The following MTFR1 variants were observed in gnomAD, a reference collection of about 807,000 sequenced individuals.
MTFR1 encodes mitochondrial fission regulator 1.
MTFR1 carries 28 observed loss-of-function variants against 38.8 expected under a neutral mutation model. The ratio of observed to expected loss-of-function variants is 0.72; its 90% confidence interval spans 0.53 to 0.99. The LOEUF (loss-of-function observed/expected upper bound fraction) is 0.99. Among genes scored for constraint, MTFR1 ranks in the 50% least tolerant of loss-of-function variants. The pLI, the probability that MTFR1 is intolerant of heterozygous loss-of-function variation, is 0.00. For synonymous variants in MTFR1, 145 were observed against 137.0 expected, an observed-to-expected ratio of 1.06 and a Z score of -0.41; for missense variants, 358 against 395.5, an observed-to-expected ratio of 0.91 and a Z score of 0.81.
chr8:65,771,870 G>A (rs1435262665), downstream of MTFR1, among the ~76,000 whole-genome samples: 7 of 121,670 alleles, frequency 5.8e-5, no homozygotes, highest in African/African-American at 1.7e-4. Flanking sequence ...TCGAGACTCC[G>A]AGACTCCATC....
At chr8:65,645,424 A>G (rs560197875) in intron 1 of MTFR1, among the ~76,000 whole-genome samples, 2 of 152,338 alleles carry the variant, frequency 1.3e-5, no homozygotes, top group African/African-American at 2.4e-5. Context: ...TATTATGGAA[A>G]TCTTCAAACT....
intron 3 of MTFR1, among the ~76,000 whole-genome samples, chr8:65,764,226 T>C (rs1420065847): frequency 6.6e-6 from 1 of 152,184 alleles, no homozygotes; most frequent in African/African-American, 2.4e-5. Context: ...GATATCGCCA[T>C]AAACTATTAA....
chr8:65,693,687 A>G lies in MTFR1; in HGVS notation c.209A>G (p.Glu70Gly). The change falls in exon 4 of 8, where the codon GAG becomes GGG. Residue 70 changes from glutamate to glycine, a missense_variant. Transcript: ENST00000262146. Reference sequence around the variant, plus strand: ...GAATGGAGTCCCAGCCACCCAGGAGAGGATGCAGTGGCGTCTTTTGCTGAT... The same window carrying G: ...GAATGGAGTCCCAGCCACCCAGGAGGGGATGCAGTGGCGTCTTTTGCTGAT... ...ATEWSPSHPG[E>G]DAVASFADVG... The G allele has an allele frequency of 6.2e-7, 1 of 1,614,192 alleles. No individual in the cohort carries two copies. Among genetic ancestry groups the G allele is most frequent in the Non-Finnish European group, 8.5e-7 (1 of 1,180,030 alleles).
intron 1 of MTFR1, among the ~76,000 whole-genome samples, chr8:65,654,779 T>G (rs1213400252): frequency 6.6e-6 from 1 of 152,164 alleles, no homozygotes; most frequent in Non-Finnish European, 1.5e-5. Flanking sequence ...GGTCTTGTTA[T>G]GTTGCCCAGG....
intron 3 of MTFR1, among the ~76,000 whole-genome samples, chr8:65,759,816 T>G (rs1001028352): frequency 6.6e-6 from 1 of 152,158 alleles, no homozygotes; most frequent in Non-Finnish European, 1.5e-5. Context: ...AGAGCTTAAC[T>G]GTCCAGAAAC....
intron 3 of MTFR1, among the ~76,000 whole-genome samples, chr8:65,746,414 C>A (rs1807680292): frequency 6.6e-6 from 1 of 152,070 alleles, no homozygotes; most frequent in Non-Finnish European, 1.5e-5. Flanking sequence ...TTTAAAAAAA[C>A]ACTTCTAACT....
chr8:65,671,480 A>T (rs1804566563), intron 2 of MTFR1, among the ~76,000 whole-genome samples: 2 of 151,622 alleles, frequency 1.3e-5, no homozygotes, highest in African/African-American at 2.4e-5. Context: ...GGTTGCAGTA[A>T]GCTGAGATTG....
In MTFR1 at chr8:65,655,969, C is replaced by CATATATATATATATATGTA; in HGVS notation, c.-81+11185_-81+11186insATATATATATATATATGTA. ...AAAAAAAAATATATATATATATATA[C>CATATATATATATATATGTA]CATATATATATATATGGTAGTGGGT... On this transcript the variant is annotated intron_variant, in intron 1 of 7. Transcript: ENST00000262146. Among the ~76,000 whole-genome samples the CATATATATATATATATGTA allele has an allele frequency of 7.1e-5, 4 of 56,472 alleles. No individual in the cohort carries two copies. The East Asian group carries it at 3.5e-3, about 49-fold the overall frequency. The allele number at this position is 56,472 out of a possible 152,430, so 37.0% of individuals were successfully genotyped here. A position where few individuals can be genotyped will look rare whatever the true frequency, so the allele number is the denominator to read the frequency against.
intron 4 of MTFR1, among the ~76,000 whole-genome samples, chr8:65,698,201 T>G (rs897021414): frequency 6.7e-6 from 1 of 149,790 alleles, no homozygotes; most frequent in Non-Finnish European, 1.5e-5. Context: ...CGGGCTGGAG[T>G]GCAGTGGCAT....
chr8:65,763,091 C>T (rs975426192), intron 3 of MTFR1, among the ~76,000 whole-genome samples: 3 of 147,722 alleles, frequency 2.0e-5, no homozygotes, highest in East Asian at 4.1e-4. Flanking sequence ...AATAAATTAG[C>T]CACTCGTAAT....
rs546828766 is a variant in MTFR1 at position 65,700,965 on chromosome 8, T to G, written c.282-3729T>G. 1.7e-3 allele frequency among the ~76,000 whole-genome samples: 259 copies of G among 152,328 alleles called. 1 individual carries two copies. The highest frequency in any genetic ancestry group is 2.5e-3 in the Non-Finnish European group (168 of 68,026). ...TCACCTGAGACAAATGCATATCTGA[T>G]TGCTTCCTCTGCCCTATGTTTATTT... On this transcript the variant is annotated intron_variant, in intron 4 of 7. Coordinates refer to ENST00000262146, the MANE Select transcript of MTFR1 (RefSeq NM_014637.4).
downstream of MTFR1, among the ~76,000 whole-genome samples, chr8:65,774,272 A>T (rs1190249608): frequency 6.6e-6 from 1 of 152,136 alleles, no homozygotes; most frequent in African/African-American, 2.4e-5. Context: ...CCTCATGCTA[A>T]TAAATATTTT....
downstream of MTFR1, among the ~76,000 whole-genome samples, chr8:65,713,941 G>A (rs114232512): frequency 0.014 from 2,146 of 152,018 alleles, 55 homozygotes; most frequent in African/African-American, 0.049. Flanking sequence ...GTCCGCCTCA[G>A]CCTCCCAAAG....
intron 3 of MTFR1, among the ~76,000 whole-genome samples, chr8:65,757,251 C>A (rs945627387): frequency 1.3e-5 from 2 of 152,118 alleles, no homozygotes; most frequent in Non-Finnish European, 2.9e-5. Flanking sequence ...TTTCTTGAGG[C>A]CTGCTCCTGA....
downstream of MTFR1, among the ~76,000 whole-genome samples, chr8:65,774,022 C>G (rs1028496768): frequency 2.0e-5 from 3 of 152,144 alleles, no homozygotes; most frequent in African/African-American, 7.2e-5. Flanking sequence ...CCAAAACATA[C>G]TTTTACTTAA....
chr8:65,691,552 A>G lies in MTFR1; in HGVS notation c.166-2092A>G, dbSNP rs1450146406. On this transcript the variant is annotated intron_variant, in intron 3 of 7. Transcript: ENST00000262146. ...AAGCCATCCGCCATCTTGTCCTCCC[A>G]AAGTGCCAGGATTACAGGCGTGAGC... is the stretch of plus-strand genomic sequence containing the variant. Among the ~76,000 whole-genome samples the G allele has an allele frequency of 2.0e-5, 3 of 152,188 alleles. No individual in the cohort carries two copies. In the East Asian group the frequency reaches 5.8e-4, roughly 29 times the overall value.
At chr8:65,774,135 G>GA (rs1354639561), downstream of MTFR1, among the ~76,000 whole-genome samples, 3 of 152,066 alleles carry the variant, frequency 2.0e-5, no homozygotes, top group African/African-American at 7.2e-5. Context: ...TTCTATCCTG[G>GA]AAGCAACCAA....
chr8:65,677,624 C>G (rs1417739151), intron 2 of MTFR1, among the ~76,000 whole-genome samples: 3 of 151,746 alleles, frequency 2.0e-5, no homozygotes, highest in African/African-American at 7.2e-5. Context: ...TCGTGACCCG[C>G]CCACCTCGGT....
intron 3 of MTFR1, among the ~76,000 whole-genome samples, chr8:65,754,480 G>A (rs531481630): frequency 2.0e-5 from 3 of 151,650 alleles, no homozygotes; most frequent in African/African-American, 7.2e-5. Flanking sequence ...TGGGATTACA[G>A]GTGCCCACCA....
Sources: allele counts gnomAD v4.1 joint callset (sites outside exome capture counted in the v4.1 genomes callset), GRCh38; gene constraint gnomAD v4.1.1; transcripts MANE v1.5; gene names NCBI Gene and HGNC (gene_info 2026-07-23, HGNC 2026-07-21).